The following MARCHF1 variants were observed in gnomAD, a reference collection of about 807,000 sequenced individuals.
MARCHF1 encodes the protein membrane associated ring-CH-type finger 1.
A neutral mutation model predicts 54.2 loss-of-function variants in MARCHF1; 40 were observed. That is an observed-to-expected ratio of 0.74 (90% confidence interval 0.57 to 0.96). The LOEUF (loss-of-function observed/expected upper bound fraction) is 0.96. MARCHF1 is among the 40% of genes least tolerant of loss of function. The probability of loss-of-function intolerance (pLI) is 0.00; values close to 1 mark genes in which losing one functional copy is unlikely to be tolerated. For missense variants in MARCHF1, 586 were observed against 656.5 expected (o/e 0.89, Z 1.17); for synonymous variants, 236 against 236.3 (o/e 1.00, Z 0.01).
At chr4:163,567,845 G>T (rs935904105) in intron 8 of MARCHF1, among the ~76,000 whole-genome samples, 5 of 151,560 alleles carry the variant, frequency 3.3e-5, no homozygotes, top group African/African-American at 1.2e-4. Flanking sequence ...TATTTTTTGA[G>T]ACGTATGCCA....
chr4:164,178,019 T>C (rs1730736697), intron 1 of MARCHF1, among the ~76,000 whole-genome samples: 1 of 152,206 alleles, frequency 6.6e-6, no homozygotes, highest in Non-Finnish European at 1.5e-5. Flanking sequence ...TATGCTCTTT[T>C]ATTGATCTAT....
intron 4 of MARCHF1, among the ~76,000 whole-genome samples, chr4:163,764,096 G>T (rs771340933): frequency 6.6e-6 from 1 of 151,858 alleles, no homozygotes; most frequent in Admixed American, 6.6e-5. Flanking sequence ...TCTTCTATTC[G>T]TCTGTGCCTA....
At chr4:163,944,358 C>T (rs1465328072) in intron 3 of MARCHF1, among the ~76,000 whole-genome samples, 1 of 152,106 alleles carries the variant, frequency 6.6e-6, no homozygotes, top group Non-Finnish European at 1.5e-5. Flanking sequence ...CTAGCTGTTA[C>T]CTCCTTTAGA....
chr4:163,716,727 G>A (rs1251687216), intron 4 of MARCHF1, among the ~76,000 whole-genome samples: 1 of 152,106 alleles, frequency 6.6e-6, no homozygotes, highest in Non-Finnish European at 1.5e-5. Context: ...ATGTGCAAAA[G>A]AGTATCACCT....
At chr4:164,231,483 T>C (rs922678968) in intron 1 of MARCHF1, among the ~76,000 whole-genome samples, 1 of 152,170 alleles carries the variant, frequency 6.6e-6, no homozygotes, top group African/African-American at 2.4e-5. Context: ...AGTGTGTAAA[T>C]TGTTCATATT....
intron 1 of MARCHF1, among the ~76,000 whole-genome samples, chr4:164,160,675 A>G (rs1042623150): frequency 6.6e-6 from 1 of 152,204 alleles, no homozygotes; most frequent in Admixed American, 6.5e-5. Flanking sequence ...TACAATATTA[A>G]TGTATGAATT....
chr4:163,783,872 C>T (rs1747538763), intron 4 of MARCHF1, among the ~76,000 whole-genome samples: 2 of 152,146 alleles, frequency 1.3e-5, no homozygotes, highest in Admixed American at 1.3e-4. Context: ...AGCTATTTCT[C>T]CTAGAACTAT....
At chr4:164,220,643 A>G (rs1421090496) in intron 1 of MARCHF1, among the ~76,000 whole-genome samples, 1 of 146,196 alleles carries the variant, frequency 6.8e-6, no homozygotes, top group African/African-American at 2.5e-5. Flanking sequence ...TATATGCTAT[A>G]TATGCATATA....
Position 163,629,944 on chromosome 4 carries a change from C to T in MARCHF1, c.163-16551G>A, listed in dbSNP as rs548460719. On this transcript the variant is annotated intron_variant, in intron 5 of 9. Coordinates refer to ENST00000514618, the MANE Select transcript of MARCHF1 (RefSeq NM_001394959.1). ...CAGTATATAACCATTAGAAGAGCTA[C>T]AATTAAAAACATGGCAATATCAAGT... Among the ~76,000 whole-genome samples, 15 of 152,264 alleles carry T rather than the reference C, an allele frequency of 9.9e-5. No homozygotes were observed. In the South Asian group the frequency reaches 1.0e-3, roughly 11 times the overall value.
chr4:163,640,466 C>T (rs1742513623), intron 5 of MARCHF1, among the ~76,000 whole-genome samples: 2 of 152,090 alleles, frequency 1.3e-5, no homozygotes, highest in African/African-American at 2.4e-5. Context: ...TACACCTAGT[C>T]AGGGCTAAGA....
chr4:164,017,034 A>G lies in MARCHF1; in HGVS notation c.-247-28325T>C, dbSNP rs564786121. 5.3e-5 allele frequency among the ~76,000 whole-genome samples: 8 copies of G among 152,220 alleles called. No homozygotes were observed. The East Asian group carries it at 1.3e-3, about 26-fold the overall frequency. On this transcript the variant is annotated intron_variant, in intron 2 of 9. Coordinates refer to ENST00000514618, the MANE Select transcript of MARCHF1 (RefSeq NM_001394959.1). ...ATAATTTTAAAAGATGTATCTAACA[A>G]TACTTGAAAATCATAATACATCATG... is the stretch of plus-strand genomic sequence containing the variant.
intron 4 of MARCHF1, among the ~76,000 whole-genome samples, chr4:163,814,998 T>C (rs1214511884): frequency 3.3e-5 from 5 of 152,164 alleles, no homozygotes; most frequent in African/African-American, 1.2e-4. Context: ...GAAAAGGCCA[T>C]AAATGCCAGC....
chr4:164,142,138 A>G (rs1756555894), intron 1 of MARCHF1, among the ~76,000 whole-genome samples: 1 of 152,206 alleles, frequency 6.6e-6, no homozygotes, highest in Non-Finnish European at 1.5e-5. Flanking sequence ...GCGCACCTGG[A>G]GAATATATCC....
At chr4:163,698,447 T>G (rs1744702298) in intron 5 of MARCHF1, among the ~76,000 whole-genome samples, 1 of 152,238 alleles carries the variant, frequency 6.6e-6, no homozygotes, top group African/African-American at 2.4e-5. Context: ...TTTAAATAGG[T>G]AAACTCATGT....
chr4:164,128,102 T>C (rs1756225144), intron 1 of MARCHF1, among the ~76,000 whole-genome samples: 1 of 152,182 alleles, frequency 6.6e-6, no homozygotes, highest in Non-Finnish European at 1.5e-5. Context: ...TGTAGCTATT[T>C]GGAAATCAAT....
chr4:164,262,079 T>A lies in MARCHF1; in HGVS notation c.-323+121791A>T, dbSNP rs551035069. 4.2e-5 allele frequency among the ~76,000 whole-genome samples: 6 copies of A among 141,810 alleles called. No homozygotes were observed. In the East Asian group the frequency reaches 1.3e-3, roughly 30 times the overall value. 93.0% of individuals were successfully genotyped at this position (141,810 alleles called of 152,430 possible). A position where few individuals can be genotyped will look rare whatever the true frequency, so the allele number is the denominator to read the frequency against. On this transcript the variant is annotated intron_variant, in intron 1 of 9. Transcript: ENST00000514618. ...ATGTCTGCACCACTGCACTCTAGCCTGGGTGACAGAGCTAGTCCCTATCTT... is the reference window on the plus strand; with the variant it reads ...ATGTCTGCACCACTGCACTCTAGCCAGGGTGACAGAGCTAGTCCCTATCTT...
chr4:163,620,594 CACACACACACACAGAGAGAGAGAGAGAG>C (rs879378091), intron 5 of MARCHF1, among the ~76,000 whole-genome samples: 4,541 of 92,712 alleles, frequency 0.049, 150 homozygotes, highest in East Asian at 0.22. Context: ...CACACACACA[CACACACACACACAGAGAGAGAGAGAGAG>C]AGAGAGAGAG....
chr4:164,177,119 C>T (rs1268457588), intron 1 of MARCHF1, among the ~76,000 whole-genome samples: 1 of 150,892 alleles, frequency 6.6e-6, no homozygotes, highest in Non-Finnish European at 1.5e-5. Context: ...TTAATAGTTT[C>T]AATCGTACTG....
intron 2 of MARCHF1, among the ~76,000 whole-genome samples, chr4:164,065,169 T>C (rs1754700702): frequency 6.6e-6 from 1 of 152,198 alleles, no homozygotes; most frequent in African/African-American, 2.4e-5. Context: ...CCTCATAGAA[T>C]GAGTTAGGGA....
Sources: gnomAD v4.1 joint callset for allele counts (sites outside exome capture counted in the v4.1 genomes callset) on GRCh38, gnomAD v4.1.1 for gene constraint, MANE v1.5 for transcripts, NCBI Gene and HGNC (gene_info 2026-07-23, HGNC 2026-07-21) for gene names.